Variants in SRSF4 observed in about 807,000 individuals in gnomAD.
SRSF4 encodes serine and arginine rich splicing factor 4, also known as serine/arginine-rich splicing factor 4.
Under a neutral mutation model 48.8 loss-of-function variants are expected in SRSF4, and 12 were observed. The observed-to-expected ratio is 0.25, with a 90% CI of 0.16 to 0.40. The LOEUF is 0.40. Among genes scored for constraint, SRSF4 ranks in the 10% least tolerant of loss-of-function variants. The pLI is 1.00. For missense variants in SRSF4, 466 were observed against 667.1 expected, an observed-to-expected ratio of 0.70 and a Z score of 3.32; for synonymous variants, 248 against 232.5, an observed-to-expected ratio of 1.07 and a Z score of -0.61.
At chr1:29,177,079 T>C (rs1258841452) in intron 1 of SRSF4, among the ~76,000 whole-genome samples, 2 of 152,216 alleles carry the variant, frequency 1.3e-5, no homozygotes, top group Non-Finnish European at 2.9e-5. Flanking sequence ...CAAGATTTTA[T>C]GACAAAAGGG....
Position 29,147,950 on chromosome 1 carries a change from C to A in SRSF4, c.*460G>T, listed in dbSNP as rs538303712. 5 of 402,616 alleles carry A rather than the reference C, an allele frequency of 1.2e-5. No individual in the cohort carries two copies. In the East Asian group the frequency reaches 3.6e-4, roughly 29 times the overall value. The allele number at this position is 402,616 out of a possible 1,614,324, so 24.9% of individuals were successfully genotyped here. On this transcript the variant is annotated 3_prime_UTR_variant, in exon 6 of 6. Coordinates refer to ENST00000373795, the MANE Select transcript of SRSF4 (RefSeq NM_005626.5). ...ATCAATTTTCCTCGACTGTGCTATT[C>A]ACAACTTTGTTAAGTCCAAAAATAT... is the stretch of plus-strand genomic sequence containing the variant.
At chr1:29,176,019 G>C (rs370676882) in intron 1 of SRSF4, among the ~76,000 whole-genome samples, 1 of 152,098 alleles carries the variant, frequency 6.6e-6, no homozygotes, top group Admixed American at 6.6e-5. Flanking sequence ...TTGGGAGGCC[G>C]AGGCAGGTGG....
intron 1 of SRSF4, chr1:29,171,308 C>T (rs1994859): frequency 0.68 from 102,915 of 150,318 alleles, 36,755 homozygotes; most frequent in Non-Finnish European, 0.8. Flanking sequence ...TGAACAAGCC[C>T]GGAAACCTGA....
intron 1 of SRSF4, chr1:29,171,707 T>C (rs1199122607): frequency 6.6e-6 from 1 of 152,058 alleles, no homozygotes; most frequent in Admixed American, 6.6e-5. Flanking sequence ...AAAGTAAAAT[T>C]TGCGGTTCTG....
rs925876507 is a variant in SRSF4 at position 29,181,820 on chromosome 1, G to A, written c.-68C>T. 3.0e-6 allele frequency: 4 copies of A among 1,341,480 alleles called. No homozygotes were observed. Among genetic ancestry groups the A allele is most frequent in the Admixed American group, 6.5e-5 (2 of 30,798 alleles). 83.1% of individuals were successfully genotyped at this position (1,341,480 alleles called of 1,614,324 possible). ...TTAGGCGGCGGCGGGCAAAGCGAGA[G>A]CACGGCGGCAGCGGCGGCGGCGGCA... On this transcript the variant is annotated 5_prime_UTR_variant, in exon 1 of 6. Transcript: ENST00000373795.
chr1:29,174,113 C>T (rs1026273116), intron 1 of SRSF4, among the ~76,000 whole-genome samples: 8 of 151,134 alleles, frequency 5.3e-5, no homozygotes, highest in Non-Finnish European at 8.8e-5. Context: ...TGCTTGAACC[C>T]GGGAGGCAGA....
chr1:29,154,685 A>G lies in SRSF4; in HGVS notation c.578+11T>C. On this transcript the variant is annotated intron_variant, in intron 4 of 5. Coordinates refer to ENST00000373795, the MANE Select transcript of SRSF4 (RefSeq NM_005626.5). ...TGATGAGCTCCAACACACAAAAGAC[A>G]TCAACAGTACCTTGAATGACTCCGG... The G allele has an allele frequency of 6.2e-7, 1 of 1,613,568 alleles. No individual in the cohort carries two copies. The highest frequency in any genetic ancestry group is 1.3e-5 in the African/African-American group (1 of 75,016).
At chr1:29,177,351 G>A (rs1015711318) in intron 1 of SRSF4, among the ~76,000 whole-genome samples, 3 of 149,450 alleles carry the variant, frequency 2.0e-5, no homozygotes, top group Admixed American at 6.7e-5. Flanking sequence ...GCAGGATCTC[G>A]GCTCACCGCA....
intron 1 of SRSF4, among the ~76,000 whole-genome samples, chr1:29,177,387 T>C (rs1316318332): frequency 6.6e-6 from 1 of 151,952 alleles, no homozygotes; most frequent in African/African-American, 2.4e-5. Context: ...GTTCAAGTGA[T>C]TCTCTTGCCT....
Position 29,149,021 on chromosome 1 carries a change from T to C in SRSF4, c.874A>G (p.Ser292Gly). ...CTTTTGCTCTTACTTTTATGCCTGC[T>C]AGGACTCCGGCTCTTGGGTTTCCCG... Reference protein sequence around the residue: ...NVGKPKSRSPSRHKSKSKSRS... With the variant: ...NVGKPKSRSPGRHKSKSKSRS... The change falls in exon 6 of 6, where the codon AGC becomes GGC. Residue 292 changes from serine (S) to glycine (G), a missense_variant. Around this residue, in one of 2 missense-constraint regions of SRSF4, gnomAD observed 402 missense variants for 437.0 expected, o/e 0.92. Coordinates refer to ENST00000373795, the MANE Select transcript of SRSF4 (RefSeq NM_005626.5). The C allele has an allele frequency of 6.2e-7, 1 of 1,613,980 alleles. No homozygotes were observed. The highest frequency in any genetic ancestry group is 1.3e-5 in the African/African-American group (1 of 74,988).
At chr1:29,158,901 C>T (rs1672548123) in intron 3 of SRSF4, among the ~76,000 whole-genome samples, 1 of 152,006 alleles carries the variant, frequency 6.6e-6, no homozygotes, top group Non-Finnish European at 1.5e-5. Context: ...GCGGGTGGAT[C>T]ACAAGGTCAG....
intron 1 of SRSF4, among the ~76,000 whole-genome samples, chr1:29,180,267 A>C (rs1209484667): frequency 1.3e-5 from 2 of 152,132 alleles, no homozygotes; most frequent in African/African-American, 4.8e-5. Flanking sequence ...TGGAGTTTCA[A>C]CTTTCACATA....
chr1:29,180,057 G>A (rs1672930787), intron 1 of SRSF4, among the ~76,000 whole-genome samples: 1 of 152,170 alleles, frequency 6.6e-6, no homozygotes, highest in African/African-American at 2.4e-5. Flanking sequence ...GCCACTTACT[G>A]CCTAAGCCAA....
rs16837965 is a variant in SRSF4, at chr1:29,162,697, G to A, written c.108-2180C>T. ...CTCCCTTCGAGTCATACTCTGGCTCGGCACTGTTCAATGACTGAATGACCA... is the reference window on the plus strand; with the variant it reads ...CTCCCTTCGAGTCATACTCTGGCTCAGCACTGTTCAATGACTGAATGACCA... On this transcript the variant is annotated intron_variant, in intron 1 of 5. Coordinates refer to ENST00000373795, the MANE Select transcript of SRSF4 (RefSeq NM_005626.5). Among the ~76,000 whole-genome samples the A allele has an allele frequency of 4.0e-3, 610 of 152,288 alleles. 1 individual carries two copies. The highest frequency in any genetic ancestry group is 9.3e-3 in the African/African-American group (387 of 41,554).
chr1:29,175,694 CAAAAAAAAAAAA>C lies in SRSF4; in HGVS notation c.107+5940_107+5951del, dbSNP rs60942124. Among the ~76,000 whole-genome samples the C allele has an allele frequency of 2.4e-3, 94 of 38,594 alleles. 1 individual carries two copies. Among genetic ancestry groups the C allele is most frequent in the African/African-American group, 0.012 (90 of 7,702 alleles). The allele number at this position is 38,594 out of a possible 152,430, so 25.3% of individuals were successfully genotyped here. On this transcript the variant is annotated intron_variant, in intron 1 of 5. Transcript: ENST00000373795. ...TGGGCGACAGAGCCAGACGCTGTCT[CAAAAAAAAAAAA>C]AAAAAAAAAAAAAAAAATTTCCAAT...
intron 1 of SRSF4, among the ~76,000 whole-genome samples, chr1:29,180,816 T>C (rs979635980): frequency 5.9e-5 from 9 of 152,174 alleles, no homozygotes; most frequent in Non-Finnish European, 1.3e-4. Context: ...CCGAAGTAGA[T>C]TAAGAATACA....
At chr1:29,152,832 T>C (rs973408645) in intron 4 of SRSF4, among the ~76,000 whole-genome samples, 1 of 151,338 alleles carries the variant, frequency 6.6e-6, no homozygotes, top group African/African-American at 2.4e-5. Flanking sequence ...GGCAGGAGAA[T>C]CGCTTGAACC....
intron 1 of SRSF4, among the ~76,000 whole-genome samples, chr1:29,163,971 TC>T (rs1226080437): frequency 6.6e-6 from 1 of 152,236 alleles, no homozygotes; most frequent in East Asian, 1.9e-4. Flanking sequence ...CTCCAAGGCT[TC>T]GACTAACATC....
At position 29,149,229 on chromosome 1, in the gene SRSF4, G is replaced by A; in HGVS notation, c.669-3C>T. ...TGCTCCGGGAGCGGGAGCCCGACCT[G>A]AGGAGACATGGGATACTGTTTGTGT... is the stretch of plus-strand genomic sequence containing the variant. On this transcript the variant is annotated splice_polypyrimidine_tract_variant and splice_region_variant and intron_variant, in intron 5 of 5. Transcript: ENST00000373795. The A allele has an allele frequency of 6.2e-7, 1 of 1,605,022 alleles. No individual in the cohort carries two copies. The highest frequency in any genetic ancestry group is 2.2e-5 in the East Asian group (1 of 44,874).
Sources: gnomAD v4.1 joint callset for allele counts (sites outside exome capture counted in the v4.1 genomes callset) on GRCh38, gnomAD v4.1.1 for gene constraint, gnomAD v4.1.1 regional missense constraint, MANE v1.5 for transcripts, NCBI Gene and HGNC (gene_info 2026-07-23, HGNC 2026-07-21) for gene names.